Variants in LIN7A observed in about 807,000 individuals in gnomAD.
LIN7A encodes protein lin-7 homolog A.
LIN7A carries 25 observed loss-of-function variants against 29.8 expected under a neutral mutation model. The ratio of observed to expected loss-of-function variants is 0.84; its 90% CI spans 0.61 to 1.17. LIN7A has a LOEUF of 1.17. LIN7A is among the 50% of genes most tolerant of loss of function. The pLI is 0.00. For synonymous variants in LIN7A, 118 were observed against 107.5 expected, an observed-to-expected ratio of 1.10 and a Z score of -0.60; for missense variants, 239 against 287.0, an observed-to-expected ratio of 0.83 and a Z score of 1.21.
In LIN7A at chr12:80,811,546, C is replaced by T. The variant is rs889498040; in HGVS notation, c.621G>A (p.Arg207=). ...TTAGCAATTGCTGCTGCTGCCGACG[C>T]CTGGCTGTTCGTAGCTTTTCAAAGC... ...EARFEKLRTA[R]RRQQQQLLIQ... Residue 207 remains arginine (R), a synonymous_variant, in exon 5 of 6, where the codon AGG becomes AGA. Transcript: ENST00000552864. The T allele has an allele frequency of 6.2e-7, 1 of 1,613,658 alleles. No individual in the cohort carries two copies. The highest frequency in any genetic ancestry group is 8.5e-7 in the Non-Finnish European group (1 of 1,179,870).
At chr12:80,892,616 C>G (rs1379694328) in intron 1 of LIN7A, among the ~76,000 whole-genome samples, 1 of 152,028 alleles carries the variant, frequency 6.6e-6, no homozygotes, top group Non-Finnish European at 1.5e-5. Context: ...TGCCTGAGAC[C>G]TATGACAAAC....
intron 2 of LIN7A, among the ~76,000 whole-genome samples, chr12:80,855,970 T>C (rs1337274690): frequency 2.0e-5 from 3 of 152,202 alleles, no homozygotes; most frequent in Admixed American, 6.6e-5. Context: ...TCCATATAGC[T>C]TTCATATATC....
intron 4 of LIN7A, among the ~76,000 whole-genome samples, chr12:80,818,737 A>G (rs926224310): frequency 6.6e-6 from 1 of 152,210 alleles, no homozygotes; most frequent in African/African-American, 2.4e-5. Context: ...ATATATAAAT[A>G]CAAAACTCTG....
At chr12:80,840,376 G>T (rs1005445210) in intron 4 of LIN7A, among the ~76,000 whole-genome samples, 2 of 152,290 alleles carry the variant, frequency 1.3e-5, no homozygotes, top group East Asian at 1.9e-4. Flanking sequence ...TTGCAGTAAA[G>T]GTTGAAATCC....
chr12:80,937,331 A>C (rs570273359), intron 1 of LIN7A: 1 of 308,920 alleles, frequency 3.2e-6, no homozygotes, highest in Non-Finnish European at 5.9e-6. Flanking sequence ...GTCCCCGCGC[A>C]GCGGCTCCAA....
chr12:80,831,372 G>C (rs761133471), intron 4 of LIN7A, among the ~76,000 whole-genome samples: 2 of 152,116 alleles, frequency 1.3e-5, no homozygotes, highest in Non-Finnish European at 2.9e-5. Context: ...ACAAAACAAA[G>C]ACAGCTAAAG....
At chr12:80,848,076 C>T in intron 3 of LIN7A, 175 bp downstream of exon 3, 1 of 691,090 alleles carries the variant, frequency 1.4e-6, no homozygotes. Context: ...CAGAAACGTT[C>T]AATTTTCCAT....
chr12:80,920,133 A>G lies in LIN7A; in HGVS notation c.82+17508T>C, dbSNP rs186240327. On this transcript the variant is annotated intron_variant, in intron 1 of 5. Transcript: ENST00000552864. ...AGTTCACAGACCAGTCTCCGTCCCAACTATTCAACTCTGCAGCCGTAGCAG... is the reference window on the plus strand; with the variant it reads ...AGTTCACAGACCAGTCTCCGTCCCAGCTATTCAACTCTGCAGCCGTAGCAG... Among the ~76,000 whole-genome samples, 235 of 152,318 alleles carry G rather than the reference A, an allele frequency of 1.5e-3. 1 individual carries two copies. In the Middle Eastern group the frequency reaches 0.027, roughly 18 times the overall value.
At chr12:80,807,075 T>TTTTTTTTTTTTGTTTG (rs1871045915) in intron 5 of LIN7A, among the ~76,000 whole-genome samples, 1 of 124,142 alleles carries the variant, frequency 8.1e-6, no homozygotes, top group African/African-American at 3.4e-5. Context: ...TTTTTTTTTT[T>TTTTTTTTTTTTGTTTG]TTTTTTTTTT....
intron 2 of LIN7A, among the ~76,000 whole-genome samples, chr12:80,868,604 C>G (rs568059829): frequency 6.6e-6 from 1 of 152,136 alleles, no homozygotes; most frequent in Non-Finnish European, 1.5e-5. Context: ...ACAACAACAA[C>G]AAAAAACAGG....
At chr12:80,918,346 C>T (rs1877126530) in intron 1 of LIN7A, among the ~76,000 whole-genome samples, 1 of 152,064 alleles carries the variant, frequency 6.6e-6, no homozygotes, top group Non-Finnish European at 1.5e-5. Flanking sequence ...CCGTCCCTGG[C>T]CTTATGTATA....
chr12:80,801,177 T>G lies in LIN7A; in HGVS notation c.*1-3451A>C, dbSNP rs377653621. On this transcript the variant is annotated intron_variant, in intron 5 of 5. Transcript: ENST00000552864. ...GATTATAGCTGAAAAGTTAATTTAT[T>G]CTTTATACTTCTCTACTGTCTAAAA... is the stretch of plus-strand genomic sequence containing the variant. Among the ~76,000 whole-genome samples the G allele has an allele frequency of 7.2e-5, 11 of 152,308 alleles. No homozygotes were observed. The East Asian group carries it at 7.7e-4, about 11-fold the overall frequency.
intron 4 of LIN7A, among the ~76,000 whole-genome samples, chr12:80,822,878 C>T (rs1334791992): frequency 6.6e-6 from 1 of 152,130 alleles, no homozygotes; most frequent in African/African-American, 2.4e-5. Context: ...CACCTTCAAG[C>T]CAGGGACAGC....
At chr12:80,816,725 T>G (rs919151506) in intron 4 of LIN7A, among the ~76,000 whole-genome samples, 1 of 151,922 alleles carries the variant, frequency 6.6e-6, no homozygotes, top group Non-Finnish European at 1.5e-5. Flanking sequence ...TTAATTTGAT[T>G]GAAGTTTAGC....
At chr12:80,928,618 A>G (rs1447603754) in intron 1 of LIN7A, among the ~76,000 whole-genome samples, 1 of 152,134 alleles carries the variant, frequency 6.6e-6, no homozygotes, top group Non-Finnish European at 1.5e-5. Context: ...GTAGATTGCA[A>G]AAATTTTCTC....
intron 1 of LIN7A, among the ~76,000 whole-genome samples, chr12:80,931,879 C>G (rs1260511988): frequency 6.6e-6 from 1 of 152,160 alleles, no homozygotes; most frequent in African/African-American, 2.4e-5. Context: ...GTCAGCCCTC[C>G]TCTTTTCTAC....
chr12:80,873,012 T>C (rs548161956), intron 2 of LIN7A, among the ~76,000 whole-genome samples: 2 of 152,332 alleles, frequency 1.3e-5, no homozygotes, highest in South Asian at 2.1e-4. Context: ...TATGGGCTTA[T>C]ATTCCTCAGA....
intron 5 of LIN7A, among the ~76,000 whole-genome samples, chr12:80,805,673 C>A (rs1870940889): frequency 6.6e-6 from 1 of 151,962 alleles, no homozygotes; most frequent in Non-Finnish European, 1.5e-5. Context: ...TGAGGTGCTT[C>A]AAGCTGAATA....
rs974658441 is a variant in LIN7A, at chr12:80,809,106, C to T, written c.*2359G>A. On this transcript the variant is annotated intron_variant, in intron 5 of 5. Transcript: ENST00000552864. ...GTTCAAGCAATTCTCCTGCCTCAGCCTCCCAAGTAGCTGGGGCTACAGGAG... is the reference window on the plus strand; with the variant it reads ...GTTCAAGCAATTCTCCTGCCTCAGCTTCCCAAGTAGCTGGGGCTACAGGAG... Among the ~76,000 whole-genome samples the T allele has an allele frequency of 1.9e-4, 29 of 151,978 alleles. 1 individual carries two copies. Among genetic ancestry groups the T allele is most frequent in the African/African-American group, 6.5e-4 (27 of 41,370 alleles).
Sources: gnomAD v4.1 joint callset for allele counts (sites outside exome capture counted in the v4.1 genomes callset) on GRCh38, gnomAD v4.1.1 for gene constraint, MANE v1.5 for transcripts, NCBI Gene and HGNC (gene_info 2026-07-23, HGNC 2026-07-21) for gene names.